The following PLCB4 variants were observed in gnomAD, a reference collection of about 807,000 sequenced individuals.
The protein encoded by PLCB4 is 1-phosphatidylinositol 4,5-bisphosphate phosphodiesterase beta-4.
In PLCB4, 77 loss-of-function variants were observed where a neutral mutation model predicts 178.8. That is an observed-to-expected ratio of 0.43 (90% CI 0.36 to 0.52). The LOEUF is 0.52. Ranked by LOEUF, PLCB4 falls within the 20% of genes least tolerant of loss-of-function variation. PLCB4 has a pLI of 0.00. For synonymous variants in PLCB4, 496 were observed against 490.8 expected (o/e 1.01, Z -0.14); for missense variants, 1,024 against 1,453.4 (o/e 0.70, Z 4.80).
Position 9,306,405 on chromosome 20 carries a change from T to C in PLCB4, c.-15-1395T>C, listed in dbSNP as rs1057247266. Among the ~76,000 whole-genome samples the C allele has an allele frequency of 6.6e-5, 10 of 152,138 alleles. 1 individual carries two copies. The East Asian group carries it at 7.7e-4, about 12-fold the overall frequency. On this transcript the variant is annotated intron_variant, in intron 3 of 39. Coordinates refer to ENST00000378473, the MANE Select transcript of PLCB4 (RefSeq NM_001377142.1). The stretch of plus-strand genomic sequence containing the variant: ...TGCTGGGATTACAGGCGTGAGCCAC[T>C]GAGCCCGGCGTGGTGTTGCATTTTT...
intron 3 of PLCB4, among the ~76,000 whole-genome samples, chr20:9,274,662 T>TGTGCTTTG (rs1280910955): frequency 5.3e-5 from 8 of 152,100 alleles, no homozygotes; most frequent in Non-Finnish European, 8.8e-5. Context: ...AACCATGCCT[T>TGTGCTTTG]GTGCTTTGCC....
intron 35 of PLCB4, among the ~76,000 whole-genome samples, chr20:9,461,614 C>T (rs1245069494): frequency 1.3e-5 from 2 of 152,244 alleles, no homozygotes; most frequent in Non-Finnish European, 2.9e-5. Context: ...TCTCCTGTGC[C>T]TGGCTTGGCA....
chr20:9,282,726 G>T (rs769309277), intron 3 of PLCB4, among the ~76,000 whole-genome samples: 7 of 151,666 alleles, frequency 4.6e-5, no homozygotes, highest in Non-Finnish European at 1.0e-4. Context: ...ATTTCTCACA[G>T]TTCTCTGTAT....
intron 35 of PLCB4, among the ~76,000 whole-genome samples, chr20:9,463,693 A>G (rs1430876587): frequency 3.9e-5 from 6 of 152,092 alleles, no homozygotes; most frequent in African/African-American, 1.2e-4. Flanking sequence ...AGGCCATTAC[A>G]TAATGGTAAA....
intron 12 of PLCB4, among the ~76,000 whole-genome samples, chr20:9,379,573 A>C (rs920402819): frequency 3.3e-5 from 5 of 152,094 alleles, no homozygotes; most frequent in African/African-American, 9.7e-5. Flanking sequence ...AAAAGAGATG[A>C]TGTTTGCCTG....
At chr20:9,372,931 T>G in intron 11 of PLCB4, 116 bp from the exon 12 acceptor site, 1 of 535,192 alleles carries the variant, frequency 1.9e-6, no homozygotes, top group South Asian at 2.7e-5. Context: ...AATTCACCAC[T>G]ACTTCAGGGT....
intron 4 of PLCB4, among the ~76,000 whole-genome samples, chr20:9,330,333 C>T (rs1279965307): frequency 6.6e-6 from 1 of 152,196 alleles, no homozygotes; most frequent in African/African-American, 2.4e-5. Context: ...CTCTTTGTTT[C>T]TCTCCAACCT....
intron 3 of PLCB4, among the ~76,000 whole-genome samples, chr20:9,258,747 A>G (rs2094265533): frequency 6.6e-6 from 1 of 150,424 alleles, no homozygotes; most frequent in Non-Finnish European, 1.5e-5. Flanking sequence ...GATAATTTCT[A>G]GAGGACTAGA....
intron 3 of PLCB4, among the ~76,000 whole-genome samples, chr20:9,220,616 G>A (rs866873284): frequency 6.6e-6 from 1 of 152,214 alleles, no homozygotes; most frequent in South Asian, 2.1e-4. Context: ...CAGCCTGGGT[G>A]ACAGACGAGA....
At chr20:9,297,409 G>A (rs1302664217) in intron 3 of PLCB4, among the ~76,000 whole-genome samples, 2 of 151,866 alleles carry the variant, frequency 1.3e-5, no homozygotes, top group Admixed American at 6.6e-5. Context: ...ATTACACATT[G>A]GGTACAATGT....
At chr20:9,215,214 C>T (rs964565033) in intron 2 of PLCB4, among the ~76,000 whole-genome samples, 1 of 152,068 alleles carries the variant, frequency 6.6e-6, no homozygotes, top group Non-Finnish European at 1.5e-5. Context: ...TGGGGAAATA[C>T]CTAGTGGTTT....
At chr20:9,208,994 T>C (rs1357128115) in intron 2 of PLCB4, among the ~76,000 whole-genome samples, 2 of 152,232 alleles carry the variant, frequency 1.3e-5, no homozygotes, top group African/African-American at 4.8e-5. Flanking sequence ...GCCCATGTTA[T>C]TAATTGGATA....
At chr20:9,461,069 G>C (rs1602991495) in intron 35 of PLCB4, among the ~76,000 whole-genome samples, 1 of 152,088 alleles carries the variant, frequency 6.6e-6, no homozygotes, top group East Asian at 1.9e-4. Flanking sequence ...GATTTTAGGT[G>C]CCTACCCTTA....
chr20:9,086,560 C>T (rs6118480), intron 1 of PLCB4, among the ~76,000 whole-genome samples: 74,752 of 151,844 alleles, frequency 0.49, 18,827 homozygotes, highest in Middle Eastern at 0.57. Context: ...ATTTAAGTAA[C>T]TTGTTCAGGG....
At chr20:9,432,229 G>C in intron 28 of PLCB4, among the ~76,000 whole-genome samples, 1 of 152,146 alleles carries the variant, frequency 6.6e-6, no homozygotes, top group Non-Finnish European at 1.5e-5. Flanking sequence ...AAAATGCTTG[G>C]TTAGGATAGA....
chr20:9,382,146 G>C (rs944993505), intron 13 of PLCB4, among the ~76,000 whole-genome samples: 4 of 152,100 alleles, frequency 2.6e-5, no homozygotes, highest in Non-Finnish European at 5.9e-5. Flanking sequence ...AAACCACTGG[G>C]CTCATGTTGG....
At chr20:9,389,839 T>C (rs1296123531) in intron 15 of PLCB4, 40 bp from the exon 16 acceptor site, 8 of 1,095,698 alleles carry the variant, frequency 7.3e-6, no homozygotes, top group Non-Finnish European at 6.9e-6. Flanking sequence ...TTAATTTTTT[T>C]GCTCTTTTCT....
At chr20:9,277,653 C>T (rs981456533) in intron 3 of PLCB4, among the ~76,000 whole-genome samples, 1 of 151,886 alleles carries the variant, frequency 6.6e-6, no homozygotes, top group African/African-American at 2.4e-5. Context: ...TCTGGTGAGA[C>T]CAGTATCCTT....
intron 1 of PLCB4, among the ~76,000 whole-genome samples, chr20:9,090,124 T>A (rs2090609301): frequency 6.6e-6 from 1 of 152,152 alleles, no homozygotes; most frequent in South Asian, 2.1e-4. Flanking sequence ...GCCTGTTTTT[T>A]AAAATCATTG....
Sources: gnomAD v4.1 joint callset for allele counts (sites outside exome capture counted in the v4.1 genomes callset) on GRCh38, gnomAD v4.1.1 for gene constraint, MANE v1.5 for transcripts, NCBI Gene and HGNC (gene_info 2026-07-23, HGNC 2026-07-21) for gene names.